ATAD2B: variants seen among roughly 807,000 people sequenced by gnomAD.
The protein encoded by ATAD2B is ATPase family AAA domain containing 2B.
ATAD2B carries 40 observed loss-of-function variants against 167.6 expected under a neutral mutation model. That is an observed-to-expected ratio of 0.24 (90% confidence interval 0.19 to 0.31). The LOEUF is 0.31. Among genes scored for constraint, ATAD2B ranks in the 10% least tolerant of loss-of-function variants. ATAD2B has a pLI of 1.00. For missense variants in ATAD2B, 1,242 were observed against 1,757.2 expected (o/e 0.71, Z 5.24); for synonymous variants, 579 against 596.5 (o/e 0.97, Z 0.43).
At chr2:23,794,258 C>T (rs1385861479) in intron 19 of ATAD2B, among the ~76,000 whole-genome samples, 1 of 152,238 alleles carries the variant, frequency 6.6e-6, no homozygotes. Flanking sequence ...GATCCGCTTG[C>T]CTCAGCCTTT....
intron 21 of ATAD2B, among the ~76,000 whole-genome samples, chr2:23,784,290 T>C (rs2149396509): frequency 6.6e-6 from 1 of 152,250 alleles, no homozygotes; most frequent in East Asian, 1.9e-4. Flanking sequence ...CAGTCTGCTT[T>C]GGAATTTGAT....
At position 23,857,523 on chromosome 2, in the gene ATAD2B, T is replaced by A; in HGVS notation, c.1480-20A>T. On this transcript the variant is annotated intron_variant, in intron 12 of 27. Transcript: ENST00000238789. ...ATATGCCTAGTAAGAAGAAAACAAA[T>A]AATATTTATTGTATTTGTTTTCATT... is the stretch of plus-strand genomic sequence containing the variant. The A allele has an allele frequency of 9.0e-7, 1 of 1,113,188 alleles. No individual in the cohort carries two copies. Among genetic ancestry groups the A allele is most frequent in the Non-Finnish European group, 1.2e-6 (1 of 810,874 alleles). 69.0% of individuals were successfully genotyped at this position (1,113,188 alleles called of 1,614,324 possible).
At chr2:23,842,704 A>G (rs1691119924) in intron 13 of ATAD2B, among the ~76,000 whole-genome samples, 1 of 152,174 alleles carries the variant, frequency 6.6e-6, no homozygotes, top group African/African-American at 2.4e-5. Context: ...AAAGGGCAAG[A>G]GCTAGTAAGG....
intron 17 of ATAD2B, chr2:23,811,584 C>G (rs1190917137): frequency 6.6e-6 from 1 of 152,104 alleles, no homozygotes; most frequent in African/African-American, 2.4e-5. Context: ...ACATCACACA[C>G]CGGGGCCTGT....
intron 17 of ATAD2B, among the ~76,000 whole-genome samples, chr2:23,816,140 AGAC>A (rs1686407265): frequency 6.6e-6 from 1 of 152,242 alleles, no homozygotes; most frequent in Non-Finnish European, 1.5e-5. Flanking sequence ...AGATTTTAAA[AGAC>A]AGTGCTCAGA....
At chr2:23,760,351 T>A (rs1204456657) in intron 24 of ATAD2B, among the ~76,000 whole-genome samples, 2 of 152,268 alleles carry the variant, frequency 1.3e-5, no homozygotes, top group South Asian at 4.1e-4. Context: ...TTAGTATTTG[T>A]GGACCTAATG....
chr2:23,723,274 C>G, the ATAD2B span, among the ~76,000 whole-genome samples: 3 of 147,326 alleles, frequency 2.0e-5, no homozygotes, highest in Non-Finnish European at 3.0e-5. Context: ...GCCTGGGTGA[C>G]AGAGTGAGAT....
At chr2:23,684,364 G>A in the ATAD2B span, 15 of 1,351,824 alleles carry the variant, frequency 1.1e-5, no homozygotes, top group Non-Finnish European at 1.4e-5. The surrounding 1 kb of genome is among the most constrained non-coding windows in gnomAD (Gnocchi z 4.4). Context: ...ACTCTTAATG[G>A]GAACCTGGCC....
chr2:23,803,956 T>C (rs906539441), intron 18 of ATAD2B, among the ~76,000 whole-genome samples: 10 of 152,210 alleles, frequency 6.6e-5, no homozygotes, highest in Non-Finnish European at 1.3e-4. Context: ...TACCACAGAC[T>C]AAACCCTTAT....
At chr2:23,720,349 G>A in the ATAD2B span, among the ~76,000 whole-genome samples, 1 of 152,160 alleles carries the variant, frequency 6.6e-6, no homozygotes, top group Non-Finnish European at 1.5e-5. Flanking sequence ...TGAGGAGAGT[G>A]GATCAGTTGA....
chr2:23,716,300 T>C, the ATAD2B span, among the ~76,000 whole-genome samples: 1 of 152,364 alleles, frequency 6.6e-6, no homozygotes, highest in East Asian at 1.9e-4. Flanking sequence ...TGATCTTCTT[T>C]GTGGCTCTTA....
intron 17 of ATAD2B, among the ~76,000 whole-genome samples, chr2:23,812,557 G>A (rs866077081): frequency 1.4e-4 from 21 of 152,174 alleles, no homozygotes; most frequent in African/African-American, 5.1e-4. Flanking sequence ...AGAATATCAA[G>A]AAAACTTTTT....
chr2:23,922,069 C>T (rs1247818281), intron 1 of ATAD2B, among the ~76,000 whole-genome samples: 1 of 152,046 alleles, frequency 6.6e-6, no homozygotes, highest in African/African-American at 2.4e-5. Flanking sequence ...TAAAGTAATA[C>T]AGCATTTTAC....
intron 1 of ATAD2B, among the ~76,000 whole-genome samples, chr2:23,916,161 T>C (rs142473147): frequency 6.6e-6 from 1 of 152,214 alleles, no homozygotes; most frequent in Non-Finnish European, 1.5e-5. Flanking sequence ...AAAGAGTCAG[T>C]ATTCCACACA....
At chr2:23,907,712 GGCA>G (rs1701696001) in intron 1 of ATAD2B, among the ~76,000 whole-genome samples, 1 of 152,164 alleles carries the variant, frequency 6.6e-6, no homozygotes. Context: ...CAAAGCTGGA[GGCA>G]TCACACTACG....
chr2:23,849,717 A>G (rs1692253818), intron 13 of ATAD2B, among the ~76,000 whole-genome samples: 2 of 152,174 alleles, frequency 1.3e-5, no homozygotes, highest in Non-Finnish European at 2.9e-5. Flanking sequence ...AATCCCAGCT[A>G]CTCAGGAGGC....
At chr2:23,696,693 C>G in the ATAD2B span, 1 of 559,990 alleles carries the variant, frequency 1.8e-6, no homozygotes, top group Non-Finnish European at 3.1e-6. This position sits in a 1 kb window ranked among gnomAD's most constrained non-coding sequence, Gnocchi z 5.5. Flanking sequence ...GTGTGGGATA[C>G]AAGCAGATGG....
chr2:23,864,760 T>G, intron 11 of ATAD2B, 49 bp downstream of exon 11: 50 of 843,958 alleles, frequency 5.9e-5, no homozygotes, highest in Non-Finnish European at 8.3e-5. Context: ...AAATAACATT[T>G]GAGAAAGTAA....
chr2:23,874,217 A>G (rs1454373903), intron 8 of ATAD2B, among the ~76,000 whole-genome samples: 2 of 152,084 alleles, frequency 1.3e-5, no homozygotes, highest in African/African-American at 2.4e-5. Flanking sequence ...TTAAAAGCCA[A>G]AGAGTATACA....
Sources: gnomAD v4.1 joint callset for allele counts (sites outside exome capture counted in the v4.1 genomes callset) on GRCh38, gnomAD v4.1.1 for gene constraint, Gnocchi (gnomAD v3.1) non-coding constraint, MANE v1.5 for transcripts, NCBI Gene and HGNC (gene_info 2026-07-23, HGNC 2026-07-21) for gene names.